ZC3H12C: variants seen among roughly 807,000 people sequenced by gnomAD.
ZC3H12C encodes the protein zinc finger CCCH-type containing 12C, also known as probable ribonuclease ZC3H12C.
In ZC3H12C, 20 loss-of-function variants were observed where a neutral mutation model predicts 76.3. The ratio of observed to expected loss-of-function variants is 0.26; its 90% CI spans 0.18 to 0.38. The LOEUF (loss-of-function observed/expected upper bound fraction) is 0.38, where lower values mean the gene tolerates loss of function less well. Among genes scored for constraint, ZC3H12C ranks in the 10% least tolerant of loss-of-function variants. The pLI, the probability that ZC3H12C is intolerant of heterozygous loss-of-function variation, is 1.00. For missense variants in ZC3H12C, 874 were observed against 1,086.5 expected (o/e 0.80, Z 2.75); for synonymous variants, 352 against 399.6 (o/e 0.88, Z 1.42).
intron 2 of ZC3H12C, among the ~76,000 whole-genome samples, chr11:110,149,253 G>A (rs1675982): frequency 0.69 from 104,761 of 152,024 alleles, 36,892 homozygotes; most frequent in South Asian, 0.79. Flanking sequence ...CTGGTAACTC[G>A]GGGACCCACC....
intron 1 of ZC3H12C, among the ~76,000 whole-genome samples, chr11:110,104,816 T>C (rs1329170786): frequency 6.6e-6 from 1 of 152,230 alleles, no homozygotes; most frequent in East Asian, 1.9e-4. Context: ...TATTCTGAAA[T>C]GATTTAGCAG....
chr11:110,098,272 A>G (rs1028387936), intron 1 of ZC3H12C, among the ~76,000 whole-genome samples: 1 of 152,230 alleles, frequency 6.6e-6, no homozygotes, highest in Non-Finnish European at 1.5e-5. Flanking sequence ...GATAGACAAA[A>G]GCTTATAGAA....
chr11:110,114,777 A>G (rs1159888580), intron 1 of ZC3H12C, among the ~76,000 whole-genome samples: 1 of 152,232 alleles, frequency 6.6e-6, no homozygotes, highest in Non-Finnish European at 1.5e-5. Context: ...ACCACTGTCA[A>G]TAAAATAAAC....
chr11:110,145,803 C>T (rs746481887), intron 2 of ZC3H12C, among the ~76,000 whole-genome samples: 98 of 152,222 alleles, frequency 6.4e-4, no homozygotes, highest in Non-Finnish European at 1.2e-3. Context: ...CTTCCAAATA[C>T]CCAGCGTACA....
At chr11:110,100,454 C>CTTT in intron 1 of ZC3H12C, among the ~76,000 whole-genome samples, 1 of 152,144 alleles carries the variant, frequency 6.6e-6, no homozygotes, top group East Asian at 1.9e-4. Flanking sequence ...CTTTTTGGTT[C>CTTT]TTTTTTTGTT....
At chr11:110,093,774 T>C (rs148887506) in intron 1 of ZC3H12C, among the ~76,000 whole-genome samples, 18 of 152,064 alleles carry the variant, frequency 1.2e-4, no homozygotes, top group Non-Finnish European at 2.2e-4. Context: ...ATCGCGAACA[T>C]GGAGGCGGGC....
chr11:110,114,504 A>G (rs1311724583), intron 1 of ZC3H12C, among the ~76,000 whole-genome samples: 1 of 152,204 alleles, frequency 6.6e-6, no homozygotes, highest in African/African-American at 2.4e-5. Flanking sequence ...TTAACTAAGC[A>G]TCATCTCTTT....
intron 1 of ZC3H12C, among the ~76,000 whole-genome samples, chr11:110,110,801 G>A (rs1252776123): frequency 6.6e-6 from 1 of 152,144 alleles, no homozygotes; most frequent in Non-Finnish European, 1.5e-5. Flanking sequence ...ACAAGAAGCA[G>A]CTAATCTTTG....
chr11:110,132,868 A>G (rs1301490692), intron 1 of ZC3H12C, among the ~76,000 whole-genome samples: 1 of 152,164 alleles, frequency 6.6e-6, no homozygotes, highest in African/African-American at 2.4e-5. Context: ...TTAAGAAATG[A>G]AAAGTATTTT....
At chr11:110,113,514 T>G (rs959771768) in intron 1 of ZC3H12C, among the ~76,000 whole-genome samples, 20 of 152,242 alleles carry the variant, frequency 1.3e-4, no homozygotes, top group Non-Finnish European at 2.6e-4. Context: ...ATAATTGGCT[T>G]CTTTTGCAAT....
chr11:110,101,060 C>T (rs1051665381), intron 1 of ZC3H12C, among the ~76,000 whole-genome samples: 2 of 152,148 alleles, frequency 1.3e-5, no homozygotes, highest in Non-Finnish European at 2.9e-5. Context: ...ATTGTTGATA[C>T]GGAGAAAGTA....
chr11:110,102,173 G>C (rs1268046777), intron 1 of ZC3H12C, among the ~76,000 whole-genome samples: 1 of 150,498 alleles, frequency 6.6e-6, no homozygotes, highest in Non-Finnish European at 1.5e-5. Flanking sequence ...TTTTGTTAAG[G>C]TTACAGCTGC....
Position 110,164,928 on chromosome 11 carries a change from A to G in ZC3H12C, c.1843A>G (p.Thr615Ala). 1 of 1,614,048 alleles carries G rather than the reference A, an allele frequency of 6.2e-7. No individual in the cohort carries two copies. The highest frequency in any genetic ancestry group is 2.2e-5 in the East Asian group (1 of 44,888). The change falls in exon 6 of 6, where the codon ACA becomes GCA. Residue 615 changes from threonine (T) to alanine (A), a missense_variant. This residue lies in a region of ZC3H12C where 395 missense variants were observed against 434.4 expected (regional missense o/e 0.91). Transcript: ENST00000278590. The surrounding 1 kb of genome is among the most constrained non-coding windows in gnomAD (Gnocchi z 5.7). ...RSPERRFSLD[T>A]DYRISSVASD... ...CCCTGAAAGGCGTTTCTCCTTAGACACAGATTATAGAATAAGTTCCGTAGC... is the reference window on the plus strand; with the variant it reads ...CCCTGAAAGGCGTTTCTCCTTAGACGCAGATTATAGAATAAGTTCCGTAGC...
chr11:110,121,018 TTA>T (rs1428179694), intron 1 of ZC3H12C, among the ~76,000 whole-genome samples: 2 of 152,192 alleles, frequency 1.3e-5, no homozygotes, highest in East Asian at 3.8e-4. Context: ...TGGCTACACA[TTA>T]GAATCACTTG....
At chr11:110,134,804 G>A (rs1861925987) in intron 1 of ZC3H12C, among the ~76,000 whole-genome samples, 1 of 152,016 alleles carries the variant, frequency 6.6e-6, no homozygotes, top group Non-Finnish European at 1.5e-5. Context: ...ATCTTCTCAG[G>A]GAATAGGCCC....
At chr11:110,131,861 C>G (rs1861872608) in intron 1 of ZC3H12C, 1 of 152,198 alleles carries the variant, frequency 6.6e-6, no homozygotes, top group Admixed American at 6.5e-5. Context: ...ATGCATAAGT[C>G]TATTGAAAGT....
At chr11:110,118,583 G>T (rs1861602390) in intron 1 of ZC3H12C, among the ~76,000 whole-genome samples, 2 of 152,186 alleles carry the variant, frequency 1.3e-5, no homozygotes, top group South Asian at 4.1e-4. Context: ...GATCACCTGA[G>T]GTCAGGAGTT....
chr11:110,144,919 T>G (rs1408453676), intron 2 of ZC3H12C, among the ~76,000 whole-genome samples: 1 of 152,230 alleles, frequency 6.6e-6, no homozygotes, highest in Non-Finnish European at 1.5e-5. Flanking sequence ...TAACCCTTCC[T>G]GTTCTGTGGT....
At chr11:110,100,211 A>ATTT (rs1861187119) in intron 1 of ZC3H12C, among the ~76,000 whole-genome samples, 7 of 30,824 alleles carry the variant, frequency 2.3e-4, no homozygotes, top group Admixed American at 2.2e-3. Context: ...GCTATATGGT[A>ATTT]CTTTTTTTTT....
Sources: gnomAD v4.1 joint callset for allele counts (sites outside exome capture counted in the v4.1 genomes callset) on GRCh38, gnomAD v4.1.1 for gene constraint, gnomAD v4.1.1 regional missense constraint, Gnocchi (gnomAD v3.1) non-coding constraint, MANE v1.5 for transcripts, NCBI Gene and HGNC (gene_info 2026-07-23, HGNC 2026-07-21) for gene names.